The following ANAPC4 variants were observed in gnomAD, a reference collection of about 807,000 sequenced individuals.
ANAPC4 encodes the protein anaphase promoting complex subunit 4.
Under a neutral mutation model 119.8 loss-of-function variants are expected in ANAPC4, and 63 were observed. That is an observed-to-expected ratio of 0.53 (90% CI 0.43 to 0.65). The LOEUF (loss-of-function observed/expected upper bound fraction) is 0.65. ANAPC4 is among the 30% of genes least tolerant of loss of function. The probability of loss-of-function intolerance (pLI) is 0.00; values close to 1 mark genes in which losing one functional copy is unlikely to be tolerated. For missense variants in ANAPC4, 716 were observed against 945.1 expected (o/e 0.76, Z 3.18); for synonymous variants, 283 against 318.6 (o/e 0.89, Z 1.19).
intron 16 of ANAPC4, among the ~76,000 whole-genome samples, chr4:25,399,147 G>A (rs1307418007): frequency 6.6e-6 from 1 of 151,818 alleles, no homozygotes; most frequent in Non-Finnish European, 1.5e-5. Flanking sequence ...TTTATATCAG[G>A]TGCCTTTTAC....
At chr4:25,389,344 G>A (rs771989590) in intron 7 of ANAPC4, among the ~76,000 whole-genome samples, 3 of 151,942 alleles carry the variant, frequency 2.0e-5, no homozygotes, top group Non-Finnish European at 4.4e-5. Context: ...TTTTTAGTAG[G>A]GACGGGGTTT....
chr4:25,398,811 A>C (rs1288337752), intron 16 of ANAPC4, among the ~76,000 whole-genome samples: 1 of 152,084 alleles, frequency 6.6e-6, no homozygotes, highest in Non-Finnish European at 1.5e-5. Flanking sequence ...CTCAATGCTT[A>C]TCTGTAGATG....
chr4:25,400,535 A>G (rs894927593), intron 16 of ANAPC4, among the ~76,000 whole-genome samples: 1 of 152,164 alleles, frequency 6.6e-6, no homozygotes, highest in Admixed American at 6.5e-5. Context: ...GCAGCTGTCT[A>G]GTCCAGCAGG....
chr4:25,383,636 G>A (rs1721872211), intron 4 of ANAPC4, among the ~76,000 whole-genome samples: 1 of 151,696 alleles, frequency 6.6e-6, no homozygotes, highest in Admixed American at 6.6e-5. Flanking sequence ...AGTGAACATT[G>A]CAATAAAAGC....
intron 25 of ANAPC4, chr4:25,415,083 G>A (rs1214548248): frequency 5.4e-6 from 1 of 184,590 alleles, no homozygotes; most frequent in African/African-American, 2.3e-5. Flanking sequence ...TTTTTGCCTA[G>A]GGTTAAGTAT....
In ANAPC4 at chr4:25,414,692, T is replaced by C; in HGVS notation, c.1818T>C (p.Asp606=). 2.0e-6 allele frequency: 3 copies of C among 1,518,744 alleles called. No individual in the cohort carries two copies. Among genetic ancestry groups the C allele is most frequent in the Non-Finnish European group, 2.7e-6 (3 of 1,124,680 alleles). The allele number at this position is 1,518,744 out of a possible 1,614,324, so 94.1% of individuals were successfully genotyped here. Reference sequence around the variant, plus strand: ...TGTGCATCTTAAGGAGACATACTGATATTTCTCAGTAAGTATTAATCTGAA... The same window carrying C: ...TGTGCATCTTAAGGAGACATACTGACATTTCTCAGTAAGTATTAATCTGAA... ...YKMCILRRHT[D]ISQSVSNGLI... The change falls in exon 25 of 29, where the codon GAT becomes GAC. Residue 606 remains aspartate (D), a synonymous_variant. Coordinates refer to ENST00000315368, the MANE Select transcript of ANAPC4 (RefSeq NM_013367.3).
At chr4:25,411,888 C>T (rs967442790) in intron 21 of ANAPC4, among the ~76,000 whole-genome samples, 30 of 152,156 alleles carry the variant, frequency 2.0e-4, no homozygotes, top group African/African-American at 6.8e-4. Context: ...GGGTGTCCTA[C>T]AATTCAATTC....
intron 2 of ANAPC4, among the ~76,000 whole-genome samples, chr4:25,377,958 T>C (rs1473135571): frequency 6.6e-6 from 1 of 152,210 alleles, no homozygotes; most frequent in East Asian, 1.9e-4. Flanking sequence ...GCTTACAGTT[T>C]TAATAGCAGT....
intron 3 of ANAPC4, among the ~76,000 whole-genome samples, chr4:25,381,247 A>G (rs974362150): frequency 5.3e-5 from 8 of 152,168 alleles, no homozygotes; most frequent in African/African-American, 1.9e-4. Flanking sequence ...GTGCTTTAAG[A>G]AAAAAAGTGA....
At chr4:25,407,318 A>G in intron 20 of ANAPC4, 65 bp downstream of exon 20, 1 of 1,266,372 alleles carries the variant, frequency 7.9e-7, no homozygotes, top group South Asian at 1.5e-5. Context: ...AAGTCTCTGG[A>G]AAGAATTACA....
Position 25,399,280 on chromosome 4 carries a change from C to G in ANAPC4, c.1214+2381C>G, listed in dbSNP as rs192774034. ...TATATTAACCTACAGTTCAATTCCCCTTTAGCAGTTATCCCAATATGTCCA... is the reference window on the plus strand; with the variant it reads ...TATATTAACCTACAGTTCAATTCCCGTTTAGCAGTTATCCCAATATGTCCA... On this transcript the variant is annotated intron_variant, in intron 16 of 28. Coordinates refer to ENST00000315368, the MANE Select transcript of ANAPC4 (RefSeq NM_013367.3). Among the ~76,000 whole-genome samples the G allele has an allele frequency of 3.3e-5, 5 of 152,230 alleles. No homozygotes were observed. In the East Asian group the frequency reaches 9.6e-4, roughly 29 times the overall value.
At chr4:25,384,625 A>T (rs543204200) in intron 4 of ANAPC4, among the ~76,000 whole-genome samples, 55 of 152,282 alleles carry the variant, frequency 3.6e-4, no homozygotes, top group Admixed American at 2.2e-3. Context: ...GTTCAAGACG[A>T]GCCTGGGCAA....
chr4:25,406,345 C>G (rs1368240853), intron 18 of ANAPC4, among the ~76,000 whole-genome samples: 3 of 152,072 alleles, frequency 2.0e-5, no homozygotes. Flanking sequence ...TAAAATATGT[C>G]AGTTGTTGGA....
At position 25,403,046 on chromosome 4, in the gene ANAPC4, C is replaced by T; in HGVS notation, c.1270+20C>T. On this transcript the variant is annotated intron_variant, in intron 17 of 28. Transcript: ENST00000315368. ...ATGTGGGTAAGTTAATTGAGTGAAG[C>T]ATTTTTATTTTAACACTTTAAAAAA... 1.9e-6 allele frequency: 3 copies of T among 1,578,930 alleles called. No homozygotes were observed. The highest frequency in any genetic ancestry group is 2.6e-6 in the Non-Finnish European group (3 of 1,156,280).
chr4:25,381,192 T>C (rs1015895965), intron 3 of ANAPC4, among the ~76,000 whole-genome samples: 3 of 152,268 alleles, frequency 2.0e-5, no homozygotes, highest in Non-Finnish European at 4.4e-5. Context: ...TGTTCTTTGC[T>C]TAATTTTTCT....
intron 26 of ANAPC4, 101 bp from the exon 27 acceptor site, chr4:25,416,324 C>A: frequency 1.5e-6 from 1 of 680,246 alleles, no homozygotes; most frequent in Non-Finnish European, 2.2e-6. Flanking sequence ...TGTCACTTAA[C>A]TTTTAAATTT....
At chr4:25,398,092 G>A (rs1722758216) in intron 16 of ANAPC4, among the ~76,000 whole-genome samples, 1 of 152,062 alleles carries the variant, frequency 6.6e-6, no homozygotes, top group Non-Finnish European at 1.5e-5. Flanking sequence ...CTAGATTTTT[G>A]TTCTAGAAAT....
At chr4:25,410,522 A>G (rs1723502441) in intron 21 of ANAPC4, among the ~76,000 whole-genome samples, 1 of 152,182 alleles carries the variant, frequency 6.6e-6, no homozygotes, top group Non-Finnish European at 1.5e-5. Flanking sequence ...ATCACCATTT[A>G]CTAATGAGGA....
intron 16 of ANAPC4, among the ~76,000 whole-genome samples, chr4:25,399,594 T>A (rs1220591494): frequency 1.3e-5 from 2 of 152,168 alleles, no homozygotes; most frequent in Non-Finnish European, 2.9e-5. Context: ...ACACACAGTG[T>A]CCGTCATCCA....
Sources: allele counts gnomAD v4.1 joint callset (sites outside exome capture counted in the v4.1 genomes callset), GRCh38; gene constraint gnomAD v4.1.1; transcripts MANE v1.5; gene names NCBI Gene and HGNC (gene_info 2026-07-23, HGNC 2026-07-21).